DNAH14: variants seen among roughly 807,000 people sequenced by gnomAD.
DNAH14 encodes the protein dynein axonemal heavy chain 14.
In DNAH14, 478 loss-of-function variants were observed where a neutral mutation model predicts 520.9. The ratio of observed to expected loss-of-function variants is 0.92; its 90% confidence interval spans 0.85 to 0.99. The LOEUF (loss-of-function observed/expected upper bound fraction) is 0.99. DNAH14 is among the 50% of genes least tolerant of loss of function. The pLI, the probability that DNAH14 is intolerant of heterozygous loss-of-function variation, is 0.00. For missense variants in DNAH14, 4,831 were observed against 5,234.5 expected (o/e 0.92, Z 2.38); for synonymous variants, 1,581 against 1,757.2 (o/e 0.90, Z 2.51).
chr1:225,106,295 C>G (rs943824041), intron 23 of DNAH14, among the ~76,000 whole-genome samples: 4 of 151,912 alleles, frequency 2.6e-5, no homozygotes, highest in Non-Finnish European at 4.4e-5. Flanking sequence ...CCCGACCTTT[C>G]TCTCTGGCTG....
At position 225,380,078 on chromosome 1, in the gene DNAH14, A is replaced by G. The variant is rs76138360; in HGVS notation, c.12717-81A>G. On this transcript the variant is annotated intron_variant, in intron 79 of 85. Coordinates refer to ENST00000682510, the MANE Select transcript of DNAH14 (RefSeq NM_001367479.1). ...AACATATTCCTCCTGTCTACCAGTA[A>G]TCTTGAATCCTTTAACAAATCTCTC... is the stretch of plus-strand genomic sequence containing the variant. 1.8e-4 allele frequency: 259 copies of G among 1,417,762 alleles called. No individual in the cohort carries two copies. In the African/African-American group the frequency reaches 3.3e-3, roughly 18 times the overall value. 87.8% of individuals were successfully genotyped at this position (1,417,762 alleles called of 1,614,324 possible).
intron 41 of DNAH14, among the ~76,000 whole-genome samples, chr1:225,219,410 G>C (rs1287972366): frequency 6.6e-6 from 1 of 150,564 alleles, no homozygotes; most frequent in Non-Finnish European, 1.5e-5. Context: ...TAGACAGCTA[G>C]CCAGAATAAT....
intron 49 of DNAH14, among the ~76,000 whole-genome samples, chr1:225,268,131 C>T (rs183364339): frequency 6.6e-6 from 1 of 152,208 alleles, no homozygotes; most frequent in Admixed American, 6.5e-5. Flanking sequence ...ACCTCAATAA[C>T]ATATTGCTTA....
Position 225,392,550 on chromosome 1 carries a change from C to A in DNAH14, c.13491+99C>A, listed in dbSNP as rs2095933135. ...TTTACAAACCTTTACTCAGCACTTA[C>A]CACATGCCAGGCACTAGACAGGCAG... On this transcript the variant is annotated intron_variant, in intron 84 of 85. Transcript: ENST00000682510. The A allele has an allele frequency of 4.9e-6, 7 of 1,423,104 alleles. 1 individual carries two copies. The South Asian group carries it at 9.8e-5, about 20-fold the overall frequency. The allele number at this position is 1,423,104 out of a possible 1,614,324, so 88.2% of individuals were successfully genotyped here. A position where few individuals can be genotyped will look rare whatever the true frequency, so the allele number is the denominator to read the frequency against.
At chr1:225,191,175 G>C (rs182800459) in intron 37 of DNAH14, among the ~76,000 whole-genome samples, 395 of 151,942 alleles carry the variant, frequency 2.6e-3, no homozygotes, top group Non-Finnish European at 4.3e-3. Context: ...ATGGCTCTGA[G>C]TTACTATTTA....
At chr1:225,025,793 T>G (rs745804043) in intron 11 of DNAH14, among the ~76,000 whole-genome samples, 3 of 152,262 alleles carry the variant, frequency 2.0e-5, no homozygotes, top group Non-Finnish European at 4.4e-5. Context: ...TAATGTTGTT[T>G]GAGAATAAAC....
rs144674097 is a variant in DNAH14, at chr1:225,351,806, C to G, written c.11456C>G (p.Ala3819Gly). ...SQWDTFKNSKAVYSLISTPFS... is the reference protein window; with the variant it reads ...SQWDTFKNSKGVYSLISTPFS... ...TGGGATACTTTTAAGAACAGTAAAGCAGTTTATTCTCTGATCAGCACACCT... is the reference window on the plus strand; with the variant it reads ...TGGGATACTTTTAAGAACAGTAAAGGAGTTTATTCTCTGATCAGCACACCT... The change falls in exon 72 of 86, where the codon GCA (alanine) becomes GGA (glycine). Residue 3819 changes from alanine (A) to glycine (G), a missense_variant. Ala to Gly is a moderately conservative substitution (Grantham distance 60). Coordinates refer to ENST00000682510, the MANE Select transcript of DNAH14 (RefSeq NM_001367479.1). The G allele has an allele frequency of 3.7e-4, 578 of 1,551,286 alleles. 4 individuals carry two copies. In the East Asian group the frequency reaches 8.0e-3, roughly 21 times the overall value.
At chr1:225,102,983 G>A (rs1354187064) in intron 23 of DNAH14, among the ~76,000 whole-genome samples, 3 of 152,122 alleles carry the variant, frequency 2.0e-5, no homozygotes, top group Non-Finnish European at 4.4e-5. Context: ...GTCCTGAATG[G>A]TATTGCCTAG....
In DNAH14 at chr1:225,194,372, AT is replaced by A. The variant is rs2085845481; in HGVS notation, c.5886+1462del. On this transcript the variant is annotated intron_variant, in intron 38 of 85. Coordinates refer to ENST00000682510, the MANE Select transcript of DNAH14 (RefSeq NM_001367479.1). ...GAAATAATACTGCACACTTACAACC[AT>A]CTGATCTTTGACAAAGTTGACAAAA... Among the ~76,000 whole-genome samples, 3 of 152,266 alleles carry A rather than the reference AT, an allele frequency of 2.0e-5. No individual in the cohort carries two copies. The South Asian group carries it at 6.2e-4, about 32-fold the overall frequency.
chr1:225,178,910 T>C (rs904443694), intron 36 of DNAH14, among the ~76,000 whole-genome samples: 3 of 152,152 alleles, frequency 2.0e-5, no homozygotes, highest in Non-Finnish European at 4.4e-5. Context: ...GTTCTTATGA[T>C]AGTAAGTCTC....
intron 8 of DNAH14, among the ~76,000 whole-genome samples, chr1:224,994,740 C>T (rs1424472343): frequency 6.6e-6 from 1 of 151,954 alleles, no homozygotes; most frequent in Non-Finnish European, 1.5e-5. Flanking sequence ...TTTATAGATA[C>T]TTTGTTTCTT....
intron 38 of DNAH14, among the ~76,000 whole-genome samples, chr1:225,194,192 C>G (rs2085808680): frequency 6.6e-6 from 1 of 151,990 alleles, no homozygotes; most frequent in African/African-American, 2.4e-5. Context: ...TTAGAAAAAA[C>G]TATTATAAAA....
At chr1:225,244,672 G>T (rs1267500375) in intron 43 of DNAH14, among the ~76,000 whole-genome samples, 4 of 152,062 alleles carry the variant, frequency 2.6e-5, no homozygotes, top group African/African-American at 9.7e-5. Context: ...ATGGTAGTTT[G>T]TATTTCTGTG....
chr1:225,324,452 G>T, intron 63 of DNAH14, 99 bp downstream of exon 63: 1 of 1,409,928 alleles, frequency 7.1e-7, no homozygotes, highest in Non-Finnish European at 9.6e-7. Context: ...AACTTGAGTG[G>T]AAAGGATACC....
intron 17 of DNAH14, among the ~76,000 whole-genome samples, chr1:225,072,299 G>A (rs1402518460): frequency 1.3e-5 from 2 of 152,110 alleles, no homozygotes; most frequent in Non-Finnish European, 2.9e-5. Context: ...TTCAAGCTCT[G>A]AGATTTTTTT....
At chr1:225,227,998 A>G (rs2090711881) in intron 41 of DNAH14, among the ~76,000 whole-genome samples, 1 of 152,252 alleles carries the variant, frequency 6.6e-6, no homozygotes, top group Non-Finnish European at 1.5e-5. Context: ...AAATATTACT[A>G]GTGTCATGGT....
intron 28 of DNAH14, among the ~76,000 whole-genome samples, chr1:225,143,730 A>C (rs539037534): frequency 1.1e-4 from 17 of 152,292 alleles, no homozygotes; most frequent in African/African-American, 2.9e-4. Flanking sequence ...TTAAAAAAAA[A>C]CATAAAATTC....
rs1048428041 is a variant in DNAH14 at position 225,391,318 on chromosome 1, G to A, written c.13331-973G>A. Among the ~76,000 whole-genome samples, 19 of 152,180 alleles carry A rather than the reference G, an allele frequency of 1.2e-4. No individual in the cohort carries two copies. The East Asian group carries it at 2.9e-3, about 23-fold the overall frequency. ...TGGGTCCTGGTCATATAAGGAGTCTGCAAATTAGCCAGGTGTGGTGGTGCA... is the reference window on the plus strand; with the variant it reads ...TGGGTCCTGGTCATATAAGGAGTCTACAAATTAGCCAGGTGTGGTGGTGCA... On this transcript the variant is annotated intron_variant, in intron 83 of 85. Transcript: ENST00000682510.
In DNAH14 at chr1:225,326,637, GA is replaced by G. The variant is rs368724226; in HGVS notation, c.9723+1814del. On this transcript the variant is annotated intron_variant, in intron 64 of 85. Coordinates refer to ENST00000682510, the MANE Select transcript of DNAH14 (RefSeq NM_001367479.1). ...CTCAGAATGGAAGAAACCCAAGAAA[GA>G]AAAAAAAATTCTTCAAAACTTTAAG... Among the ~76,000 whole-genome samples, 845 of 150,692 alleles carry G rather than the reference GA, an allele frequency of 5.6e-3. 6 individuals carry two copies. The highest frequency in any genetic ancestry group is 0.018 in the African/African-American group (746 of 41,138).
Sources: allele counts gnomAD v4.1 joint callset (sites outside exome capture counted in the v4.1 genomes callset), GRCh38; gene constraint gnomAD v4.1.1; transcripts MANE v1.5; gene names NCBI Gene and HGNC (gene_info 2026-07-23, HGNC 2026-07-21).